Variants in STARD7 observed in about 807,000 individuals in gnomAD.
STARD7 encodes StAR related lipid transfer domain containing 7, also known as stAR-related lipid transfer protein 7, mitochondrial.
STARD7 carries 30 observed loss-of-function variants against 45.3 expected under a neutral mutation model. That is an observed-to-expected ratio of 0.66 (90% CI 0.50 to 0.90). The LOEUF (loss-of-function observed/expected upper bound fraction) is 0.90, where lower values mean the gene tolerates loss of function less well. Ranked by LOEUF, STARD7 falls within the 40% of genes least tolerant of loss-of-function variation. The pLI is 0.00. For missense variants in STARD7, 495 were observed against 491.3 expected (o/e 1.01, Z -0.07); for synonymous variants, 199 against 183.0 (o/e 1.09, Z -0.70).
In STARD7 at chr2:96,208,434, T is replaced by TGCCGCCTCCCGCAGGGCCC; in HGVS notation, c.-19_-1dup. 7.3e-7 allele frequency: 1 copy of TGCCGCCTCCCGCAGGGCCC among 1,372,314 alleles called. No individual in the cohort carries two copies. The highest frequency in any genetic ancestry group is 3.0e-5 in the East Asian group (1 of 32,890). The allele number at this position is 1,372,314 out of a possible 1,614,324, so 85.0% of individuals were successfully genotyped here. A position where few individuals can be genotyped will look rare whatever the true frequency, so the allele number is the denominator to read the frequency against. On this transcript the variant is annotated 5_prime_UTR_variant, in exon 1 of 8. Coordinates refer to ENST00000337288, the MANE Select transcript of STARD7 (RefSeq NM_020151.4). ...GCGGCCAGCAGCCTCCGCGGGAGCA[T>TGCCGCCTCCCGCAGGGCCC]GCCGCCTCCCGCAGGGCCCGCCGCG...
intron 1 of STARD7, among the ~76,000 whole-genome samples, chr2:96,203,078 T>A (rs1414479436): frequency 6.6e-6 from 1 of 152,218 alleles, no homozygotes; most frequent in Admixed American, 6.5e-5. Context: ...CAAGTTATTT[T>A]TTCCCAAGGT....
At chr2:96,204,835 T>C (rs1372824718) in intron 1 of STARD7, among the ~76,000 whole-genome samples, 7 of 150,616 alleles carry the variant, frequency 4.6e-5, no homozygotes, top group Non-Finnish European at 1.5e-5. Context: ...GTTTAACATA[T>C]CCCGAATGCC....
Position 96,187,227 on chromosome 2 carries a change from C to T in STARD7, c.918G>A (p.Met306Ile). Residue 306 changes from methionine to isoleucine, a missense_variant, in exon 7 of 8, where the codon ATG becomes ATA. By Grantham distance (10) the Met-to-Ile change is conservative. This residue lies in a region of STARD7 where 213 missense variants were observed against 271.2 expected (regional missense o/e 0.79). Transcript: ENST00000337288. ...CTTGCCCTTACTTACCACTGGAAAC[C>T]ATCCAACTAACACAGTAGCGAGGAA... ...TVFPRYCVSW[M>I]VSSGMPDFLE... is the part of the protein sequence containing the mutation. 1 of 1,613,162 alleles carries T rather than the reference C, an allele frequency of 6.2e-7. No individual in the cohort carries two copies. The highest frequency in any genetic ancestry group is 8.5e-7 in the Non-Finnish European group (1 of 1,179,210).
In STARD7 at chr2:96,186,595, G is replaced by A; in HGVS notation, c.*135C>T. On this transcript the variant is annotated 3_prime_UTR_variant, in exon 8 of 8. Transcript: ENST00000337288. ...GGGCTCTGAATGAAATGGGACATCAGTTATTGAATTATCTTGCACTGGAAG... is the reference window on the plus strand; with the variant it reads ...GGGCTCTGAATGAAATGGGACATCAATTATTGAATTATCTTGCACTGGAAG... 1.8e-6 allele frequency: 1 copy of A among 570,684 alleles called. No individual in the cohort carries two copies. Among genetic ancestry groups the A allele is most frequent in the South Asian group, 3.4e-5 (1 of 29,598 alleles). The allele number at this position is 570,684 out of a possible 1,614,324, so 35.4% of individuals were successfully genotyped here.
chr2:96,192,334 A>T (rs762024075), intron 6 of STARD7, 35 bp downstream of exon 6: 1 of 1,495,822 alleles, frequency 6.7e-7, no homozygotes, highest in Admixed American at 1.7e-5. Context: ...TTCCACAGCC[A>T]TGACATGTTA....
chr2:96,197,834 T>C (rs995934789), intron 1 of STARD7, among the ~76,000 whole-genome samples: 2 of 152,234 alleles, frequency 1.3e-5, no homozygotes, highest in Non-Finnish European at 2.9e-5. Context: ...ATATGATATG[T>C]AGCTTTTGTG....
At chr2:96,205,414 C>G (rs565448505) in intron 1 of STARD7, among the ~76,000 whole-genome samples, 3 of 152,330 alleles carry the variant, frequency 2.0e-5, no homozygotes, top group Non-Finnish European at 4.4e-5. Flanking sequence ...CCCGCTTAAC[C>G]AAAACAGCTA....
chr2:96,195,140 T>C, intron 2 of STARD7, 133 bp from the exon 3 acceptor site: 1 of 881,322 alleles, frequency 1.1e-6, no homozygotes, highest in Non-Finnish European at 1.8e-6. Flanking sequence ...GAAGTCTTAG[T>C]AGAGCAACAA....
At position 96,195,459 on chromosome 2, in the gene STARD7, T is replaced by A. The variant is rs570567602; in HGVS notation, c.381A>T (p.Gln127His). 3.3e-4 allele frequency: 534 copies of A among 1,613,760 alleles called. 9 individuals carry two copies. The South Asian group carries it at 5.8e-3, about 17-fold the overall frequency. Reference protein sequence around the residue: ...VQHHPPEPKAQTEGNEDSEGK... With the variant: ...VQHHPPEPKAHTEGNEDSEGK... Reference sequence around the variant, plus strand: ...CCTCTGAATCTTCATTCCCTTCTGTTTGGGCTTTTGGTTCTGGAGGGTGGT... The same window carrying A: ...CCTCTGAATCTTCATTCCCTTCTGTATGGGCTTTTGGTTCTGGAGGGTGGT... Residue 127 changes from glutamine to histidine, a missense_variant, in exon 2 of 8, where the codon CAA (glutamine) becomes CAT (histidine). Transcript: ENST00000337288.
chr2:96,192,143 A>G (rs13407298), intron 6 of STARD7, among the ~76,000 whole-genome samples: 3 of 152,196 alleles, frequency 2.0e-5, no homozygotes, highest in African/African-American at 7.2e-5. Context: ...TATCTCTCAG[A>G]TAAGAGGGAA....
At chr2:96,193,389 A>C (rs1683156732) in intron 3 of STARD7, 37 bp from the exon 4 acceptor site, 1 of 1,377,726 alleles carries the variant, frequency 7.3e-7, no homozygotes, top group Non-Finnish European at 1.0e-6. Context: ...ACCCAAGAAG[A>C]CCCAAAACAA....
chr2:96,191,703 T>A (rs1249557255), intron 6 of STARD7, among the ~76,000 whole-genome samples: 3 of 151,930 alleles, frequency 2.0e-5, no homozygotes, highest in Non-Finnish European at 4.4e-5. Flanking sequence ...TGAGGTGGTA[T>A]AAATAAAACA....
intron 6 of STARD7, 25 bp downstream of exon 6, chr2:96,192,344 A>C: frequency 6.5e-7 from 1 of 1,534,050 alleles, no homozygotes; most frequent in African/African-American, 1.4e-5. Flanking sequence ...ATGACATGTT[A>C]TCTCTTGGAT....
At chr2:96,190,399 G>A (rs932888694) in intron 6 of STARD7, among the ~76,000 whole-genome samples, 10 of 147,290 alleles carry the variant, frequency 6.8e-5, no homozygotes, top group South Asian at 2.2e-4. Context: ...GCAGCGGCAC[G>A]ATCTTGGCTC....
intron 5 of STARD7, 58 bp downstream of exon 5, chr2:96,193,020 T>G (rs1018446739): frequency 8.6e-6 from 11 of 1,274,110 alleles, no homozygotes; most frequent in Non-Finnish European, 1.3e-5. Flanking sequence ...CTCAGGTACG[T>G]AGGAATGAAG....
chr2:96,189,239 G>A (rs779652998), intron 6 of STARD7, among the ~76,000 whole-genome samples: 3 of 152,102 alleles, frequency 2.0e-5, no homozygotes, highest in Non-Finnish European at 4.4e-5. Context: ...ATGAGCTACC[G>A]TGCTCAGCCA....
intron 6 of STARD7, among the ~76,000 whole-genome samples, chr2:96,191,976 A>G (rs923562897): frequency 4.6e-5 from 7 of 152,200 alleles, no homozygotes; most frequent in Admixed American, 2.6e-4. Context: ...CATGAGTCCA[A>G]TCTTCCCATT....
intron 1 of STARD7, among the ~76,000 whole-genome samples, chr2:96,205,345 A>G (rs367851973): frequency 4.6e-5 from 7 of 152,358 alleles, no homozygotes; most frequent in African/African-American, 7.2e-5. Context: ...CTCAAATAAC[A>G]TAAGGAAAAC....
chr2:96,191,782 TA>T (rs1683129314), intron 6 of STARD7, among the ~76,000 whole-genome samples: 1 of 151,340 alleles, frequency 6.6e-6, no homozygotes, highest in African/African-American at 2.4e-5. Flanking sequence ...ACACAAGCAA[TA>T]GGGAGAAACA....
Sources: allele counts gnomAD v4.1 joint callset (sites outside exome capture counted in the v4.1 genomes callset), GRCh38; gene constraint gnomAD v4.1.1; regional missense constraint gnomAD v4.1.1; transcripts MANE v1.5; gene names NCBI Gene and HGNC (gene_info 2026-07-23, HGNC 2026-07-21).